The following EPHA3 variants were observed in gnomAD, a reference collection of about 807,000 sequenced individuals.
EPHA3 encodes EPH receptor A3, also known as ephrin type-A receptor 3.
A neutral mutation model predicts 107.1 loss-of-function variants in EPHA3; 42 were observed. The ratio of observed to expected loss-of-function variants is 0.39; its 90% CI spans 0.31 to 0.51. The LOEUF (loss-of-function observed/expected upper bound fraction) is 0.51. Ranked by LOEUF, EPHA3 falls within the 20% of genes least tolerant of loss-of-function variation. The pLI, the probability that EPHA3 is intolerant of heterozygous loss-of-function variation, is 0.78. For synonymous variants in EPHA3, 461 were observed against 424.8 expected (o/e 1.09, Z -1.05); for missense variants, 1,183 against 1,211.2 (o/e 0.98, Z 0.35).
intron 2 of EPHA3, among the ~76,000 whole-genome samples, chr3:89,136,330 C>CTTTTTTTTTTATTTTTTTTTTTT (rs1704310690): frequency 4.3e-5 from 1 of 23,370 alleles, no homozygotes; most frequent in Non-Finnish European, 7.8e-5. Flanking sequence ...ATCTTACAGG[C>CTTTTTTTTTTATTTTTTTTTTTT]TTTTTTTTTT....
At chr3:89,389,267 G>A (rs1708680000) in intron 5 of EPHA3, among the ~76,000 whole-genome samples, 1 of 152,152 alleles carries the variant, frequency 6.6e-6, no homozygotes, top group Non-Finnish European at 1.5e-5. Context: ...TTTAACAGAA[G>A]TGTTCACTTC....
chr3:89,138,269 A>G (rs1704357518), intron 2 of EPHA3, among the ~76,000 whole-genome samples: 1 of 151,950 alleles, frequency 6.6e-6, no homozygotes, highest in South Asian at 2.1e-4. Flanking sequence ...TGTCATAGGA[A>G]TTTATTTCCA....
chr3:89,380,998 AG>A (rs2107484416), intron 5 of EPHA3, among the ~76,000 whole-genome samples: 1 of 150,468 alleles, frequency 6.6e-6, no homozygotes, highest in East Asian at 2.0e-4. Flanking sequence ...TTTGAGACAG[AG>A]TCTCGCTCTC....
chr3:89,256,280 G>T (rs1245363534), intron 3 of EPHA3, among the ~76,000 whole-genome samples: 2 of 151,884 alleles, frequency 1.3e-5, no homozygotes, highest in African/African-American at 4.8e-5. Context: ...AGGCATGGTG[G>T]CTCACGCCTG....
intron 5 of EPHA3, among the ~76,000 whole-genome samples, chr3:89,358,605 C>A (rs1211878323): frequency 1.3e-5 from 2 of 151,056 alleles, no homozygotes; most frequent in Non-Finnish European, 3.0e-5. Flanking sequence ...ACAGGCAAAG[C>A]CAGCTGCCAA....
chr3:89,360,015 A>G (rs1030633954), intron 5 of EPHA3, among the ~76,000 whole-genome samples: 1 of 149,808 alleles, frequency 6.7e-6, no homozygotes, highest in African/African-American at 2.4e-5. Flanking sequence ...TATTACCCTT[A>G]TTTTTAGAAG....
At chr3:89,370,753 G>C (rs1359855128) in intron 5 of EPHA3, among the ~76,000 whole-genome samples, 2 of 151,472 alleles carry the variant, frequency 1.3e-5, no homozygotes, top group African/African-American at 4.8e-5. Flanking sequence ...AAGTAGAAAT[G>C]AATAAGGAAG....
intron 2 of EPHA3, among the ~76,000 whole-genome samples, chr3:89,179,140 A>G (rs1705382688): frequency 6.6e-6 from 1 of 151,910 alleles, no homozygotes; most frequent in Non-Finnish European, 1.5e-5. Flanking sequence ...GCAATGTTGA[A>G]TTGTTTCATG....
intron 5 of EPHA3, among the ~76,000 whole-genome samples, chr3:89,391,225 C>T (rs1366570668): frequency 1.3e-5 from 2 of 152,106 alleles, no homozygotes; most frequent in African/African-American, 4.8e-5. Context: ...ATTCCACTGA[C>T]ACACAGTTAA....
intron 6 of EPHA3, among the ~76,000 whole-genome samples, chr3:89,397,573 T>A (rs1225728957): frequency 6.6e-6 from 1 of 150,716 alleles, no homozygotes; most frequent in African/African-American, 2.4e-5. Context: ...GCAACAAGCA[T>A]CATTGCCTTT....
chr3:89,133,702 C>G (rs911047768), intron 2 of EPHA3, among the ~76,000 whole-genome samples: 7 of 152,098 alleles, frequency 4.6e-5, no homozygotes, highest in Admixed American at 3.3e-4. Flanking sequence ...AGAATTGGAC[C>G]CTTTCTGTTG....
chr3:89,320,668 A>T (rs752618568), intron 3 of EPHA3, among the ~76,000 whole-genome samples: 32 of 152,106 alleles, frequency 2.1e-4, no homozygotes, highest in Non-Finnish European at 4.1e-4. Context: ...TTATATGCCT[A>T]TTTAGGATCT....
chr3:89,330,855 A>C (rs562392979), intron 3 of EPHA3, among the ~76,000 whole-genome samples: 4 of 152,298 alleles, frequency 2.6e-5, no homozygotes, highest in Non-Finnish European at 5.9e-5. Flanking sequence ...TGGGGATGCA[A>C]TTACTTAATC....
rs540267027 is a variant in EPHA3 at position 89,450,335 on chromosome 3, C to T, written c.2655C>T (p.Pro885=). The T allele has an allele frequency of 2.4e-5, 38 of 1,613,498 alleles. No individual in the cohort carries two copies. Among genetic ancestry groups the T allele is most frequent in the Admixed American group, 8.3e-5 (5 of 59,928 alleles). ...TTCTGGACAAGCTTATCCGGAATCC[C>T]GGCAGCCTGAAGATCATCACCAGTG... ...VSILDKLIRN[P]GSLKIITSAA... The change falls in exon 15 of 17, where the codon CCC becomes CCT. Residue 885 remains proline, a synonymous_variant. Coordinates refer to ENST00000336596, the MANE Select transcript of EPHA3 (RefSeq NM_005233.6).
intron 5 of EPHA3, among the ~76,000 whole-genome samples, chr3:89,348,047 G>A (rs1379550255): frequency 1.3e-5 from 2 of 150,224 alleles, no homozygotes; most frequent in African/African-American, 2.4e-5. Flanking sequence ...TTGCATCAAT[G>A]TTCATCAAGG....
At chr3:89,127,547 G>C (rs76528626) in intron 2 of EPHA3, among the ~76,000 whole-genome samples, 1 of 151,904 alleles carries the variant, frequency 6.6e-6, no homozygotes, top group Non-Finnish European at 1.5e-5. Flanking sequence ...AATGATCTAA[G>C]AGTGACTTTT....
chr3:89,354,886 A>C (rs1707910732), intron 5 of EPHA3, among the ~76,000 whole-genome samples: 1 of 151,024 alleles, frequency 6.6e-6, no homozygotes, highest in South Asian at 2.1e-4. Context: ...AAATCTAAGT[A>C]AGGCTGAAGA....
chr3:89,187,111 C>T (rs927299977), intron 2 of EPHA3, among the ~76,000 whole-genome samples: 31 of 151,774 alleles, frequency 2.0e-4, no homozygotes, highest in African/African-American at 7.2e-4. Context: ...GTACTACAGA[C>T]TTTAATTTTT....
intron 3 of EPHA3, among the ~76,000 whole-genome samples, chr3:89,257,595 G>C (rs1419356894): frequency 6.6e-6 from 1 of 151,526 alleles, no homozygotes; most frequent in Non-Finnish European, 1.5e-5. Context: ...AAGTCACAGG[G>C]GCTTGAAGTA....
Sources: gnomAD v4.1 joint callset for allele counts (sites outside exome capture counted in the v4.1 genomes callset) on GRCh38, gnomAD v4.1.1 for gene constraint, MANE v1.5 for transcripts, NCBI Gene and HGNC (gene_info 2026-07-23, HGNC 2026-07-21) for gene names.